EYS: variants seen among roughly 807,000 people sequenced by gnomAD.
The protein encoded by EYS is EGF-like photoreceptor maintenance factor.
Under a neutral mutation model 282.1 loss-of-function variants are expected in EYS, and 250 were observed. The ratio of observed to expected loss-of-function variants is 0.89; its 90% CI spans 0.80 to 0.98. EYS has a LOEUF of 0.98. Ranked by LOEUF, EYS falls within the 50% of genes least tolerant of loss-of-function variation. The pLI is 0.00. For missense variants in EYS, 4,016 were observed against 3,709.0 expected (o/e 1.08, Z -2.15); for synonymous variants, 1,355 against 1,282.9 (o/e 1.06, Z -1.20).
At chr6:63,945,130 A>G (rs975269898) in intron 35 of EYS, among the ~76,000 whole-genome samples, 5 of 152,130 alleles carry the variant, frequency 3.3e-5, no homozygotes, top group Non-Finnish European at 7.3e-5. Flanking sequence ...GGAATACCCG[A>G]GACTGGGTAA....
chr6:63,935,321 T>C (rs968693344), intron 35 of EYS, among the ~76,000 whole-genome samples: 1 of 152,266 alleles, frequency 6.6e-6, no homozygotes, highest in Non-Finnish European at 1.5e-5. Flanking sequence ...GTCCTTACTT[T>C]CTGCTTTCTG....
At chr6:65,049,918 T>C (rs1773216871) in intron 13 of EYS, among the ~76,000 whole-genome samples, 1 of 151,664 alleles carries the variant, frequency 6.6e-6, no homozygotes, top group African/African-American at 2.4e-5. Flanking sequence ...ATAATATGTT[T>C]ATACTTATGG....
chr6:63,740,851 A>G (rs1769058344), intron 41 of EYS, among the ~76,000 whole-genome samples: 1 of 152,198 alleles, frequency 6.6e-6, no homozygotes, highest in African/African-American at 2.4e-5. Context: ...CACAAATAGG[A>G]TTCAAAGGAC....
chr6:65,490,760 T>C (rs1479631034), intron 4 of EYS, 53 bp from the exon 5 acceptor site: 2 of 918,036 alleles, frequency 2.2e-6, no homozygotes, highest in Admixed American at 1.8e-5. Context: ...ATTATAACCA[T>C]CAGTTTTCCC....
At chr6:64,512,081 G>A (rs1253138861) in intron 26 of EYS, among the ~76,000 whole-genome samples, 1 of 151,716 alleles carries the variant, frequency 6.6e-6, no homozygotes, top group Non-Finnish European at 1.5e-5. Flanking sequence ...AATTATATGT[G>A]CATGTGTATA....
chr6:65,004,606 C>G (rs1280708856), intron 13 of EYS, among the ~76,000 whole-genome samples: 2 of 147,742 alleles, frequency 1.4e-5, no homozygotes, highest in East Asian at 4.2e-4. Context: ...CAGCTCCATT[C>G]TCACAAGAAT....
chr6:64,837,373 A>T (rs1168610307), intron 19 of EYS, among the ~76,000 whole-genome samples: 1 of 151,392 alleles, frequency 6.6e-6, no homozygotes, highest in Non-Finnish European at 1.5e-5. Context: ...AGCTAACAAC[A>T]TACGAAAGGG....
intron 24 of EYS, among the ~76,000 whole-genome samples, chr6:64,602,165 A>G (rs1198307337): frequency 6.6e-6 from 1 of 151,988 alleles, no homozygotes; most frequent in Non-Finnish European, 1.5e-5. Flanking sequence ...TGTAAATGTC[A>G]CTAGGTAGAA....
chr6:63,938,488 A>C (rs1372167939), intron 35 of EYS, among the ~76,000 whole-genome samples: 1 of 152,256 alleles, frequency 6.6e-6, no homozygotes, highest in African/African-American at 2.4e-5. Context: ...CAGGCAGCCC[A>C]GTTAGCCATG....
intron 26 of EYS, among the ~76,000 whole-genome samples, chr6:64,464,702 A>G (rs1455365357): frequency 2.6e-5 from 4 of 152,086 alleles, no homozygotes; most frequent in Non-Finnish European, 5.9e-5. Context: ...GTTTCCTACT[A>G]TGTTCTGTTA....
intron 22 of EYS, among the ~76,000 whole-genome samples, chr6:64,642,470 CT>C (rs1294594845): frequency 1.3e-5 from 2 of 152,126 alleles, no homozygotes; most frequent in East Asian, 3.9e-4. Context: ...CTTCCCCTAG[CT>C]TATAAGGTTA....
intron 34 of EYS, among the ~76,000 whole-genome samples, chr6:63,985,717 G>A (rs558102833): frequency 6.6e-6 from 1 of 151,768 alleles, no homozygotes; most frequent in South Asian, 2.1e-4. Flanking sequence ...TGGGATTACT[G>A]GCTAGCCATA....
In EYS at chr6:64,230,622, G is replaced by A. The variant is rs149332790; in HGVS notation, c.6394C>T (p.Leu2132=). 4.8e-4 allele frequency: 749 copies of A among 1,551,192 alleles called. 6 individuals carry two copies. Among genetic ancestry groups the A allele is most frequent in the Non-Finnish European group, 7.4e-5 (85 of 1,146,558 alleles). The change falls in exon 31 of 43, where the codon CTA becomes TTA. Residue 2132 remains leucine, a synonymous_variant. Transcript: ENST00000503581. ...TCACAGAAGCGGCCAGTGAAATGTAGTGGACAGTCACATTGGAATGACACT... is the reference window on the plus strand; with the variant it reads ...TCACAGAAGCGGCCAGTGAAATGTAATGGACAGTCACATTGGAATGACACT... ...GIVSFQCDCP[L]HFTGRFCEKD... is the part of the protein sequence containing the mutation.
At chr6:65,431,525 C>G (rs1190211145) in intron 5 of EYS, among the ~76,000 whole-genome samples, 1 of 151,868 alleles carries the variant, frequency 6.6e-6, no homozygotes, top group Non-Finnish European at 1.5e-5. Context: ...TTACTATTCT[C>G]TCTTCTGGGG....
chr6:65,061,533 C>T (rs1773573297), intron 12 of EYS, among the ~76,000 whole-genome samples: 1 of 151,846 alleles, frequency 6.6e-6, no homozygotes, highest in South Asian at 2.1e-4. Context: ...GATGAACGTA[C>T]ATTGACTATC....
At chr6:63,739,239 C>T (rs1191256332) in intron 41 of EYS, among the ~76,000 whole-genome samples, 1 of 152,118 alleles carries the variant, frequency 6.6e-6, no homozygotes, top group Non-Finnish European at 1.5e-5. Context: ...TAGAAGCAGA[C>T]TCTGGGATGG....
At chr6:64,679,897 T>C (rs1244436550) in intron 22 of EYS, among the ~76,000 whole-genome samples, 1 of 152,210 alleles carries the variant, frequency 6.6e-6, no homozygotes, top group African/African-American at 2.4e-5. Flanking sequence ...ATTAGCTCTT[T>C]GTCTTAAGTT....
intron 13 of EYS, among the ~76,000 whole-genome samples, chr6:65,055,014 C>G (rs578083065): frequency 3.5e-4 from 53 of 152,106 alleles, no homozygotes; most frequent in African/African-American, 8.9e-4. Flanking sequence ...TGGGGTCTCA[C>G]TTTGTCACTC....
At chr6:65,436,363 T>C (rs1768075070) in intron 5 of EYS, among the ~76,000 whole-genome samples, 1 of 152,074 alleles carries the variant, frequency 6.6e-6, no homozygotes, top group East Asian at 1.9e-4. Flanking sequence ...ACAAATGTTT[T>C]ATTTGAAAAT....
Sources: gnomAD v4.1 joint callset for allele counts (sites outside exome capture counted in the v4.1 genomes callset) on GRCh38, gnomAD v4.1.1 for gene constraint, MANE v1.5 for transcripts, NCBI Gene and HGNC (gene_info 2026-07-23, HGNC 2026-07-21) for gene names.